ATXN10: variants seen among roughly 807,000 people sequenced by gnomAD.
ATXN10 encodes the protein ataxin 10.
A neutral mutation model predicts 52.9 loss-of-function variants in ATXN10; 28 were observed. The observed-to-expected ratio is 0.53, with a 90% confidence interval of 0.39 to 0.73. The LOEUF is 0.73. Ranked by LOEUF, ATXN10 falls within the 30% of genes least tolerant of loss-of-function variation. ATXN10 has a pLI of 0.00. For missense variants in ATXN10, 565 were observed against 577.0 expected (o/e 0.98, Z 0.21); for synonymous variants, 226 against 221.5 (o/e 1.02, Z -0.18).
intron 5 of ATXN10, among the ~76,000 whole-genome samples, chr22:45,710,834 A>G (rs1201104833): frequency 6.6e-6 from 1 of 152,082 alleles, no homozygotes; most frequent in Admixed American, 6.5e-5. Context: ...AACCCCATCC[A>G]TTGAAGGGTT....
At chr22:45,817,318 CTTTTTT>C (rs11326332) in intron 10 of ATXN10, among the ~76,000 whole-genome samples, 9 of 98,706 alleles carry the variant, frequency 9.1e-5, no homozygotes, top group East Asian at 2.9e-4. Context: ...ATTGATTTAA[CTTTTTT>C]TTTTTTTTTT....
At position 45,818,791 on chromosome 22, in the gene ATXN10, C is replaced by T. The variant is rs769963310; in HGVS notation, c.1237+11769C>T. Among the ~76,000 whole-genome samples the T allele has an allele frequency of 1.3e-5, 2 of 152,122 alleles. No homozygotes were observed. The highest frequency in any genetic ancestry group is 2.9e-5 in the Non-Finnish European group (2 of 68,024). On this transcript the variant is annotated intron_variant, in intron 10 of 11. Coordinates refer to ENST00000252934, the MANE Select transcript of ATXN10 (RefSeq NM_013236.4). The surrounding 1 kb of genome is among the most constrained non-coding windows in gnomAD (Gnocchi z 4.6). ...TTGCTGTTAATGTTCTAAGGGCCAC[C>T]ATGTAACATTTATTTGAAAACAGAA...
At chr22:45,751,748 AAAAAAATAAAAAAAAAAT>A (rs1569049538) in intron 9 of ATXN10, among the ~76,000 whole-genome samples, 15 of 64,816 alleles carry the variant, frequency 2.3e-4, no homozygotes, top group African/African-American at 9.1e-4. Flanking sequence ...TGGAAAAAAA[AAAAAAATAAAAAAAAAAT>A]AATAATAATA....
In ATXN10 at chr22:45,774,324, G is replaced by A. The variant is rs919813582; in HGVS notation, c.1174-32635G>A. On this transcript the variant is annotated intron_variant, in intron 9 of 11. Coordinates refer to ENST00000252934, the MANE Select transcript of ATXN10 (RefSeq NM_013236.4). This position sits in a 1 kb window ranked among gnomAD's most constrained non-coding sequence, Gnocchi z 6.2. ...CTGCACCTGTCTGGAATGGCAGCCTGTCCCTACCAGTCCCTGCATCGCTAT... is the reference window on the plus strand; with the variant it reads ...CTGCACCTGTCTGGAATGGCAGCCTATCCCTACCAGTCCCTGCATCGCTAT... Among the ~76,000 whole-genome samples, 3 of 152,232 alleles carry A rather than the reference G, an allele frequency of 2.0e-5. No individual in the cohort carries two copies. Among genetic ancestry groups the A allele is most frequent in the African/African-American group, 7.2e-5 (3 of 41,470 alleles).
intron 10 of ATXN10, among the ~76,000 whole-genome samples, chr22:45,836,938 GC>G (rs1286275806): frequency 6.6e-6 from 1 of 152,156 alleles, no homozygotes; most frequent in East Asian, 1.9e-4. Context: ...GCTTGCCCGT[GC>G]TGACCATGCT....
At chr22:45,834,060 C>G (rs1929082503) in intron 10 of ATXN10, among the ~76,000 whole-genome samples, 1 of 152,224 alleles carries the variant, frequency 6.6e-6, no homozygotes, top group African/African-American at 2.4e-5. Context: ...AGAACAGCCC[C>G]TGGCACATCC....
Position 45,736,793 on chromosome 22 carries a change from G to A in ATXN10, c.895-1938G>A, listed in dbSNP as rs186994141. Among the ~76,000 whole-genome samples the A allele has an allele frequency of 3.0e-3, 457 of 151,980 alleles. 2 individuals carry two copies. Among genetic ancestry groups the A allele is most frequent in the South Asian group, 0.01 (50 of 4,814 alleles). On this transcript the variant is annotated intron_variant, in intron 7 of 11. Transcript: ENST00000252934. ...TTTCGCTGTTGATGATACTACTTTC[G>A]TCAAGAAGCACATGAGGCTTGGTTG...
At chr22:45,808,475 C>T (rs966591493) in intron 10 of ATXN10, among the ~76,000 whole-genome samples, 2 of 152,206 alleles carry the variant, frequency 1.3e-5, no homozygotes, top group African/African-American at 4.8e-5. Context: ...CAGATGCTCG[C>T]AGCACCTTCC....
intron 10 of ATXN10, among the ~76,000 whole-genome samples, chr22:45,807,315 C>T (rs906696199): frequency 5.3e-5 from 8 of 152,180 alleles, no homozygotes; most frequent in African/African-American, 1.2e-4. Flanking sequence ...CACTGTGCTG[C>T]GCATCACCGG....
chr22:45,756,189 A>C (rs1042076472), intron 9 of ATXN10, among the ~76,000 whole-genome samples: 1 of 152,078 alleles, frequency 6.6e-6, no homozygotes, highest in African/African-American at 2.4e-5. Flanking sequence ...TTTCTCACCC[A>C]GGCTGGAGTG....
intron 10 of ATXN10, among the ~76,000 whole-genome samples, chr22:45,831,869 G>C (rs1159251047): frequency 2.0e-5 from 3 of 152,216 alleles, no homozygotes; most frequent in South Asian, 4.1e-4. Context: ...AGCCCACCCA[G>C]AGCCTGTGCT....
chr22:45,719,431 C>G (rs1924565640), intron 6 of ATXN10, among the ~76,000 whole-genome samples: 4 of 152,032 alleles, frequency 2.6e-5, no homozygotes, highest in Admixed American at 2.6e-4. Flanking sequence ...ATATGAAATA[C>G]CAGGTTTATA....
At position 45,728,770 on chromosome 22, in the gene ATXN10, T is replaced by C. The variant is rs1429276965; in HGVS notation, c.729-655T>C. On this transcript the variant is annotated intron_variant, in intron 6 of 11. Coordinates refer to ENST00000252934, the MANE Select transcript of ATXN10 (RefSeq NM_013236.4). This position sits in a 1 kb window ranked among gnomAD's most constrained non-coding sequence, Gnocchi z 4.3. ...AAAGAAATATTTATTTGGTAACTTATATATTGATGTAAAAATGGCACAGTC... is the reference window on the plus strand; with the variant it reads ...AAAGAAATATTTATTTGGTAACTTACATATTGATGTAAAAATGGCACAGTC... 6.6e-6 allele frequency among the ~76,000 whole-genome samples: 1 copy of C among 152,204 alleles called. No homozygotes were observed. Among genetic ancestry groups the C allele is most frequent in the Non-Finnish European group, 1.5e-5 (1 of 68,042 alleles).
chr22:45,682,064 C>A (rs576612362), intron 1 of ATXN10, among the ~76,000 whole-genome samples: 1 of 152,240 alleles, frequency 6.6e-6, no homozygotes, highest in South Asian at 2.1e-4. Context: ...TCTTCTCTCC[C>A]CCCTTAAAAA....
rs1004241118 is a variant in ATXN10, at chr22:45,784,109, A to G, written c.1174-22850A>G. On this transcript the variant is annotated intron_variant, in intron 9 of 11. Transcript: ENST00000252934. The surrounding 1 kb of genome is among the most constrained non-coding windows in gnomAD (Gnocchi z 4.2). ...ACTTTGAGGTTTTCCAGCACATTTA[A>G]TATTATTTCAGCCATTCTCTCTTTT... Among the ~76,000 whole-genome samples the G allele has an allele frequency of 1.2e-4, 19 of 152,082 alleles. No homozygotes were observed. The highest frequency in any genetic ancestry group is 4.6e-4 in the African/African-American group (19 of 41,398).
Position 45,835,215 on chromosome 22 carries a change from CGGGCTCATGGGTCCTGCTTTGCCTGGCGT to C in ATXN10, c.1238-7747_1238-7719del, listed in dbSNP as rs1012369700. On this transcript the variant is annotated intron_variant, in intron 10 of 11. Coordinates refer to ENST00000252934, the MANE Select transcript of ATXN10 (RefSeq NM_013236.4). This position sits in a 1 kb window ranked among gnomAD's most constrained non-coding sequence, Gnocchi z 5.0. The stretch of plus-strand genomic sequence containing the variant: ...TCCCATGACTTCACTGCCAGATGGA[CGGGCTCATGGGTCCTGCTTTGCCTGGCGT>C]GGGCTCATGGGTCCTGCTTTGCCTG... 2.6e-5 allele frequency among the ~76,000 whole-genome samples: 4 copies of C among 152,142 alleles called. No individual in the cohort carries two copies. Among genetic ancestry groups the C allele is most frequent in the African/African-American group, 4.8e-5 (2 of 41,430 alleles).
At chr22:45,778,552 C>T (rs1329677997) in intron 9 of ATXN10, among the ~76,000 whole-genome samples, 1 of 152,124 alleles carries the variant, frequency 6.6e-6, no homozygotes, top group Non-Finnish European at 1.5e-5. Flanking sequence ...AGTTGGAACC[C>T]TTATAAGTCC....
At chr22:45,771,290 T>C (rs769915723) in intron 9 of ATXN10, among the ~76,000 whole-genome samples, 56 of 152,346 alleles carry the variant, frequency 3.7e-4, no homozygotes, top group Non-Finnish European at 6.5e-4. Flanking sequence ...ATTGTCAGTA[T>C]TTTTAATTTA....
chr22:45,707,756 C>G (rs1924098300), intron 5 of ATXN10, among the ~76,000 whole-genome samples: 1 of 151,902 alleles, frequency 6.6e-6, no homozygotes, highest in Admixed American at 6.6e-5. Context: ...GTTAAATGAT[C>G]ACTTCTGCAG....
Sources: allele counts gnomAD v4.1 joint callset (sites outside exome capture counted in the v4.1 genomes callset), GRCh38; gene constraint gnomAD v4.1.1; non-coding constraint Gnocchi (gnomAD v3.1); transcripts MANE v1.5; gene names NCBI Gene and HGNC (gene_info 2026-07-23, HGNC 2026-07-21).